Variants in PTPRN2 observed in about 807,000 individuals in gnomAD.
PTPRN2 encodes protein tyrosine phosphatase receptor type N2.
In PTPRN2, 74 loss-of-function variants were observed where a neutral mutation model predicts 118.8. The ratio of observed to expected loss-of-function variants is 0.62; its 90% CI spans 0.52 to 0.76. The LOEUF is 0.76. Among genes scored for constraint, PTPRN2 ranks in the 30% least tolerant of loss-of-function variants. PTPRN2 has a pLI of 0.00. For synonymous variants in PTPRN2, 641 were observed against 608.0 expected (o/e 1.05, Z -0.80); for missense variants, 1,481 against 1,394.4 (o/e 1.06, Z -0.99).
At chr7:158,136,541 C>T in intron 8 of PTPRN2, 114 bp downstream of exon 8, 1 of 936,618 alleles carries the variant, frequency 1.1e-6, no homozygotes, top group Non-Finnish European at 1.7e-6. Flanking sequence ...GGGGTTTCTC[C>T]ATAATTTTCT....
At chr7:157,573,696 G>C (rs1013001413) in intron 19 of PTPRN2, among the ~76,000 whole-genome samples, 1 of 152,178 alleles carries the variant, frequency 6.6e-6, no homozygotes, top group Non-Finnish European at 1.5e-5. Context: ...CCCTTGGCTG[G>C]GAAATGCTCC....
chr7:157,993,297 A>AT (rs906419698), intron 11 of PTPRN2, among the ~76,000 whole-genome samples: 2 of 151,254 alleles, frequency 1.3e-5, no homozygotes, highest in African/African-American at 4.9e-5. Context: ...AGGAAAATAG[A>AT]TTTTTTCCTA....
At chr7:158,147,744 C>G (rs1457907756) in intron 6 of PTPRN2, among the ~76,000 whole-genome samples, 5 of 139,680 alleles carry the variant, frequency 3.6e-5, no homozygotes, top group African/African-American at 1.4e-4. Context: ...ACGTGTCTTT[C>G]CCCCTCAATG....
At chr7:158,549,118 C>T (rs1164167058) in intron 1 of PTPRN2, among the ~76,000 whole-genome samples, 2 of 152,084 alleles carry the variant, frequency 1.3e-5, no homozygotes, top group South Asian at 2.1e-4. Flanking sequence ...CGAGCACAAG[C>T]GGGAAAGAAT....
intron 14 of PTPRN2, among the ~76,000 whole-genome samples, chr7:157,645,181 G>A (rs966965934): frequency 2.6e-5 from 4 of 152,238 alleles, no homozygotes; most frequent in African/African-American, 9.6e-5. Context: ...GCAGGCTTTC[G>A]AGGCTGCTGG....
At chr7:157,817,657 A>G (rs1041324032) in intron 12 of PTPRN2, among the ~76,000 whole-genome samples, 1 of 152,262 alleles carries the variant, frequency 6.6e-6, no homozygotes, top group Non-Finnish European at 1.5e-5. Flanking sequence ...ATCTGGAGCT[A>G]CGGCCGGGGC....
intron 10 of PTPRN2, among the ~76,000 whole-genome samples, chr7:158,098,852 C>T (rs1369934348): frequency 2.0e-5 from 3 of 151,718 alleles, no homozygotes; most frequent in East Asian, 1.9e-4. Flanking sequence ...GGAACGGGGC[C>T]GCGGGGAGGG....
At position 158,146,590 on chromosome 7, in the gene PTPRN2, G is replaced by A. The variant is rs762118059; in HGVS notation, c.911-8075C>T. Among the ~76,000 whole-genome samples, 110 of 150,764 alleles carry A rather than the reference G, an allele frequency of 7.3e-4. 1 individual carries two copies. Among genetic ancestry groups the A allele is most frequent in the African/African-American group, 2.5e-3 (100 of 40,766 alleles). ...CAAAAAATTAGCCAGGCGTGGTGGC[G>A]GGCGCCTGTAGTCCCAGCTACTCAG... On this transcript the variant is annotated intron_variant, in intron 6 of 22. Transcript: ENST00000389418.
In PTPRN2 at chr7:157,883,908, A is replaced by G. The variant is rs139650822; in HGVS notation, c.1788+14765T>C. Among the ~76,000 whole-genome samples the G allele has an allele frequency of 1.8e-4, 27 of 151,900 alleles. 1 individual carries two copies. The East Asian group carries it at 5.3e-3, about 30-fold the overall frequency. ...CACCCCAAAATGACTGTTGGAGATC[A>G]GAAAACACCACCCCAAAGTGACTGT... On this transcript the variant is annotated intron_variant, in intron 12 of 22. Transcript: ENST00000389418.
chr7:158,216,268 T>C (rs570691153), intron 3 of PTPRN2, among the ~76,000 whole-genome samples: 2 of 151,590 alleles, frequency 1.3e-5, no homozygotes, highest in East Asian at 1.9e-4. Context: ...ATTTCCAAAA[T>C]CATTAAAGTA....
At chr7:157,898,758 GCA>G (rs1563220006) in intron 11 of PTPRN2, 21 bp from the exon 12 acceptor site, 1 of 1,576,388 alleles carries the variant, frequency 6.3e-7, no homozygotes, top group Non-Finnish European at 8.7e-7. Context: ...AAATCAGAAA[GCA>G]CAAGAGTCAG....
chr7:158,165,928 A>G (rs546905657), intron 6 of PTPRN2, among the ~76,000 whole-genome samples: 2 of 152,290 alleles, frequency 1.3e-5, no homozygotes, highest in South Asian at 2.1e-4. Flanking sequence ...CAGCTAGTGC[A>G]TGGTGAGCAG....
chr7:158,362,509 C>T (rs1460877726), intron 2 of PTPRN2, among the ~76,000 whole-genome samples: 1 of 152,234 alleles, frequency 6.6e-6, no homozygotes, highest in Non-Finnish European at 1.5e-5. Flanking sequence ...ACTCAGGTTG[C>T]TGGTGAATGA....
intron 3 of PTPRN2, among the ~76,000 whole-genome samples, chr7:158,311,997 G>A (rs1801801364): frequency 6.8e-6 from 1 of 146,840 alleles, no homozygotes; most frequent in Non-Finnish European, 1.5e-5. Flanking sequence ...CCACACACAT[G>A]CACACACACC....
chr7:158,494,846 G>A (rs1821711730), intron 1 of PTPRN2, among the ~76,000 whole-genome samples: 1 of 152,114 alleles, frequency 6.6e-6, no homozygotes, highest in Non-Finnish European at 1.5e-5. Context: ...CCACTCACTT[G>A]GTACAAGGAA....
intron 13 of PTPRN2, among the ~76,000 whole-genome samples, chr7:157,661,536 C>G (rs1017978143): frequency 2.0e-5 from 3 of 152,262 alleles, no homozygotes; most frequent in Non-Finnish European, 4.4e-5. Flanking sequence ...TTCTATTCAG[C>G]AAGTGGCTCA....
chr7:158,261,922 G>T (rs1204825515), intron 3 of PTPRN2, among the ~76,000 whole-genome samples: 4 of 152,188 alleles, frequency 2.6e-5, no homozygotes, highest in African/African-American at 7.2e-5. Context: ...AGGAATCTAG[G>T]AGCTCACTTG....
At chr7:157,862,203 C>T (rs1810292768) in intron 12 of PTPRN2, among the ~76,000 whole-genome samples, 1 of 152,246 alleles carries the variant, frequency 6.6e-6, no homozygotes, top group African/African-American at 2.4e-5. Flanking sequence ...GTGCCTCCTT[C>T]ACCAAGCGAA....
intron 10 of PTPRN2, among the ~76,000 whole-genome samples, chr7:158,082,133 G>A (rs944446012): frequency 6.6e-6 from 1 of 152,094 alleles, no homozygotes; most frequent in Non-Finnish European, 1.5e-5. Flanking sequence ...GTAAATCCCT[G>A]GAACAGACAG....
Sources: gnomAD v4.1 joint callset for allele counts (sites outside exome capture counted in the v4.1 genomes callset) on GRCh38, gnomAD v4.1.1 for gene constraint, MANE v1.5 for transcripts, NCBI Gene and HGNC (gene_info 2026-07-23, HGNC 2026-07-21) for gene names.